The following LOXHD1 variants were observed in gnomAD, a reference collection of about 807,000 sequenced individuals.
LOXHD1 encodes lipoxygenase homology domain-containing protein 1.
Under a neutral mutation model 248.2 loss-of-function variants are expected in LOXHD1, and 205 were observed. That is an observed-to-expected ratio of 0.83 (90% CI 0.74 to 0.93). The LOEUF (loss-of-function observed/expected upper bound fraction) is 0.93. Among genes scored for constraint, LOXHD1 ranks in the 40% least tolerant of loss-of-function variants. The probability of loss-of-function intolerance (pLI) is 0.00; values close to 1 mark genes in which losing one functional copy is unlikely to be tolerated. For missense variants in LOXHD1, 2,930 were observed against 2,971.6 expected, an observed-to-expected ratio of 0.99 and a Z score of 0.33; for synonymous variants, 1,113 against 1,162.8, an observed-to-expected ratio of 0.96 and a Z score of 0.87.
chr18:46,648,068 C>T (rs1015588863), intron 2 of LOXHD1, among the ~76,000 whole-genome samples: 1 of 152,114 alleles, frequency 6.6e-6, no homozygotes, highest in African/African-American at 2.4e-5. Flanking sequence ...ACCAGCCTTG[C>T]CAACATGGTG....
intron 5 of LOXHD1, among the ~76,000 whole-genome samples, chr18:46,617,552 T>C (rs1213747557): frequency 2.6e-5 from 4 of 151,810 alleles, no homozygotes; most frequent in African/African-American, 9.7e-5. Context: ...TTTTTTTTTT[T>C]CCTTATAAGC....
At chr18:46,564,099 T>TGTGC (rs2037588189) in intron 17 of LOXHD1, among the ~76,000 whole-genome samples, 1 of 145,778 alleles carries the variant, frequency 6.9e-6, no homozygotes, top group South Asian at 2.2e-4. Flanking sequence ...AGAGAGTGTG[T>TGTGC]GTGTGTGTGT....
At chr18:46,489,947 C>T (rs2033343716) in intron 37 of LOXHD1, among the ~76,000 whole-genome samples, 1 of 152,226 alleles carries the variant, frequency 6.6e-6, no homozygotes, top group African/African-American at 2.4e-5. Flanking sequence ...GGGTATGTTG[C>T]TAATATTGAA....
chr18:46,617,647 T>C lies in LOXHD1; in HGVS notation c.610+545A>G, dbSNP rs1274874107. On this transcript the variant is annotated intron_variant, in intron 5 of 40. Transcript: ENST00000642948. ...TTTTCCAACTCCTATGTAATTCTGC[T>C]AAATTGGCAGAAGCAGAAGAGAACC... 3.3e-5 allele frequency among the ~76,000 whole-genome samples: 5 copies of C among 152,128 alleles called. No individual in the cohort carries two copies. The East Asian group carries it at 9.6e-4, about 29-fold the overall frequency.
intron 4 of LOXHD1, among the ~76,000 whole-genome samples, chr18:46,619,465 T>C (rs1364165880): frequency 1.3e-5 from 2 of 152,222 alleles, no homozygotes; most frequent in Non-Finnish European, 2.9e-5. Flanking sequence ...AAGTAAGGCT[T>C]CTAATTTCAA....
chr18:46,541,497 G>C (rs1417464233), intron 25 of LOXHD1, among the ~76,000 whole-genome samples: 1 of 152,206 alleles, frequency 6.6e-6, no homozygotes, highest in African/African-American at 2.4e-5. Context: ...CTATGCTGCA[G>C]ATGAGGAATC....
At chr18:46,561,237 T>C (rs758175914) in intron 18 of LOXHD1, among the ~76,000 whole-genome samples, 32 of 152,136 alleles carry the variant, frequency 2.1e-4, no homozygotes, top group Non-Finnish European at 4.1e-4. Context: ...GGATGCCCTC[T>C]TCATCCTCAC....
At position 46,518,240 on chromosome 18, in the gene LOXHD1, G is replaced by A. The variant is rs535510598; in HGVS notation, c.5288C>T (p.Thr1763Met). 2.3e-5 allele frequency: 35 copies of A among 1,551,552 alleles called. No homozygotes were observed. Among genetic ancestry groups the A allele is most frequent in the Admixed American group, 2.2e-4 (11 of 51,000 alleles). The change falls in exon 34 of 41, where the codon ACG (threonine) becomes ATG (methionine). Residue 1763 changes from threonine (T) to methionine (M), a missense_variant. Physicochemically the swap from Thr to Met is moderately conservative, Grantham distance 81 (BLOSUM62 -1). Coordinates refer to ENST00000642948, the MANE Select transcript of LOXHD1 (RefSeq NM_001384474.1). ...GCCAACCACATCCCCTGTCCACACC[G>A]TCATTTCATAGAGAACCTGCCATGA... ...NIGVKVLYEM[T>M]VWTGDVVGGG...
At chr18:46,539,923 C>A (rs1335499956) in intron 25 of LOXHD1, among the ~76,000 whole-genome samples, 1 of 152,210 alleles carries the variant, frequency 6.6e-6, no homozygotes, top group Non-Finnish European at 1.5e-5. Flanking sequence ...TGGCCCTAAC[C>A]TTCTCCAGAT....
rs1391986865 is a variant in LOXHD1 at position 46,601,280 on chromosome 18, G to A, written c.1071C>T (p.Pro357=). The A allele has an allele frequency of 1.2e-5, 18 of 1,551,580 alleles. No individual in the cohort carries two copies. The highest frequency in any genetic ancestry group is 4.1e-5 in the African/African-American group (3 of 73,038). Residue 357 remains proline (P), a synonymous_variant, in exon 8 of 41, where the codon CCC becomes CCT. Transcript: ENST00000642948. ...FHIELAVLLS[P]LSRVSVGHGN... ...CATGCCCGACGGAGACCCGACTCAG[G>A]GGGCTAAGGAGGACAGCCAGCTCGA... is the stretch of plus-strand genomic sequence containing the variant.
intron 37 of LOXHD1, among the ~76,000 whole-genome samples, chr18:46,494,847 C>CTTTTTTTTTTTTTTTTTTTTTTTTTTTTT (rs1256277774): frequency 4.4e-5 from 5 of 113,434 alleles, no homozygotes; most frequent in Admixed American, 9.7e-5. Flanking sequence ...TTTTCTCTCT[C>CTTTTTTTTTTTTTTTTTTTTTTTTTTTTT]TCTTTTTTTT....
intron 37 of LOXHD1, among the ~76,000 whole-genome samples, chr18:46,502,652 T>A (rs1375946382): frequency 6.6e-6 from 1 of 152,148 alleles, no homozygotes; most frequent in African/African-American, 2.4e-5. Context: ...CCCCTGCCCC[T>A]GCCCCAAGAC....
At chr18:46,488,783 G>A (rs911421491) in intron 38 of LOXHD1, among the ~76,000 whole-genome samples, 189 bp downstream of exon 38, 1 of 152,262 alleles carries the variant, frequency 6.6e-6, no homozygotes, top group Non-Finnish European at 1.5e-5. Flanking sequence ...GTGATTCTGA[G>A]CCATGAGCTG....
chr18:46,629,333 C>T (rs146860607), intron 4 of LOXHD1, among the ~76,000 whole-genome samples: 324 of 152,328 alleles, frequency 2.1e-3, no homozygotes, highest in South Asian at 0.019. Flanking sequence ...AATTACTCTA[C>T]GATAATATCC....
chr18:46,638,088 G>A (rs72915441), intron 4 of LOXHD1, among the ~76,000 whole-genome samples: 16,740 of 152,104 alleles, frequency 0.11, 1,001 homozygotes, highest in Middle Eastern at 0.18. Flanking sequence ...TCCAAGGAGG[G>A]GTGTCGAGCA....
rs1324409733 is a variant in LOXHD1, at chr18:46,542,917, C to T, written c.3620-62G>A. 3 of 1,547,700 alleles carry T rather than the reference C, an allele frequency of 1.9e-6. No individual in the cohort carries two copies. The East Asian group carries it at 7.3e-5, about 38-fold the overall frequency. ...CTGAGGCCTTTCAAGCCTAGTCAGA[C>T]CCAAACCTTTAATCCCTTTTCAAAA... is the stretch of plus-strand genomic sequence containing the variant. On this transcript the variant is annotated intron_variant, in intron 23 of 40. Coordinates refer to ENST00000642948, the MANE Select transcript of LOXHD1 (RefSeq NM_001384474.1).
At chr18:46,522,991 A>G (rs1320438409) in intron 31 of LOXHD1, among the ~76,000 whole-genome samples, 1 of 151,020 alleles carries the variant, frequency 6.6e-6, no homozygotes, top group African/African-American at 2.4e-5. Context: ...CTTGTTGCCC[A>G]GGCTGGAGTG....
rs1057393896 is a variant in LOXHD1 at position 46,550,498 on chromosome 18, A to G, written c.3351-3440T>C. ...TGAGGCAGGAGAATGGCGTGAACCC[A>G]GGAAGCGGAGCTTGCAGTGAGCCGA... On this transcript the variant is annotated intron_variant, in intron 21 of 40. Transcript: ENST00000642948. Among the ~76,000 whole-genome samples, 10 of 142,836 alleles carry G rather than the reference A, an allele frequency of 7.0e-5. 1 individual carries two copies. Among genetic ancestry groups the G allele is most frequent in the South Asian group, 4.8e-4 (2 of 4,188 alleles). 93.7% of individuals were successfully genotyped at this position (142,836 alleles called of 152,430 possible).
intron 34 of LOXHD1, among the ~76,000 whole-genome samples, chr18:46,516,187 G>A (rs1042180845): frequency 2.0e-5 from 3 of 152,094 alleles, no homozygotes; most frequent in African/African-American, 7.2e-5. Flanking sequence ...GTATAACCTT[G>A]GGCAAGTTAT....
Sources: allele counts gnomAD v4.1 joint callset (sites outside exome capture counted in the v4.1 genomes callset), GRCh38; gene constraint gnomAD v4.1.1; transcripts MANE v1.5; gene names NCBI Gene and HGNC (gene_info 2026-07-23, HGNC 2026-07-21).